The following AFAP1 variants were observed in gnomAD, a reference collection of about 807,000 sequenced individuals.
AFAP1 encodes actin filament associated protein 1, also known as actin filament-associated protein 1.
A neutral mutation model predicts 93.9 loss-of-function variants in AFAP1; 75 were observed. That is an observed-to-expected ratio of 0.80 (90% CI 0.66 to 0.97). The LOEUF (loss-of-function observed/expected upper bound fraction) is 0.97, where lower values mean the gene tolerates loss of function less well. Ranked by LOEUF, AFAP1 falls within the 50% of genes least tolerant of loss-of-function variation. AFAP1 has a pLI of 0.00. For synonymous variants in AFAP1, 517 were observed against 430.7 expected (o/e 1.20, Z -2.48); for missense variants, 1,201 against 1,050.8 (o/e 1.14, Z -1.98).
At chr4:7,818,009 G>A (rs1401069565) in intron 7 of AFAP1, among the ~76,000 whole-genome samples, 2 of 152,162 alleles carry the variant, frequency 1.3e-5, no homozygotes, top group African/African-American at 4.8e-5. Flanking sequence ...GTTCCATTAC[G>A]GTATGAGGAT....
intron 8 of AFAP1, among the ~76,000 whole-genome samples, chr4:7,814,049 C>T (rs955859902): frequency 5.9e-5 from 9 of 152,204 alleles, no homozygotes; most frequent in Admixed American, 5.2e-4. Context: ...TCCTGCCCTT[C>T]ACCTCCGTCC....
intron 6 of AFAP1, among the ~76,000 whole-genome samples, chr4:7,835,456 G>A (rs576327854): frequency 1.5e-4 from 14 of 91,174 alleles, no homozygotes; most frequent in African/African-American, 4.7e-4. Flanking sequence ...AATGGACTGT[G>A]GGCTGCCTTA....
At chr4:7,888,518 G>T (rs1432419858) in intron 1 of AFAP1, among the ~76,000 whole-genome samples, 1 of 152,160 alleles carries the variant, frequency 6.6e-6, no homozygotes, top group African/African-American at 2.4e-5. Flanking sequence ...GATGAAATGG[G>T]CAAATTCCTT....
At chr4:7,878,307 T>C (rs947296770) in intron 1 of AFAP1, among the ~76,000 whole-genome samples, 2 of 152,234 alleles carry the variant, frequency 1.3e-5, no homozygotes, top group African/African-American at 2.4e-5. Context: ...TCCAGAGCTA[T>C]TGCTGTTTCT....
chr4:7,938,221 A>T (rs956550904), intron 1 of AFAP1, among the ~76,000 whole-genome samples: 5 of 151,720 alleles, frequency 3.3e-5, no homozygotes, highest in Admixed American at 1.3e-4. Context: ...CCCGCATGAC[A>T]CGCTAGAGGG....
chr4:7,899,885 A>T (rs370792480), intron 1 of AFAP1, among the ~76,000 whole-genome samples: 10 of 103,510 alleles, frequency 9.7e-5, no homozygotes, highest in South Asian at 3.1e-4. Flanking sequence ...AATAAATAAA[A>T]AAGGAAGGGG....
At chr4:7,908,655 T>C (rs1164747717) in intron 1 of AFAP1, among the ~76,000 whole-genome samples, 1 of 152,188 alleles carries the variant, frequency 6.6e-6, no homozygotes, top group Non-Finnish European at 1.5e-5. Context: ...GACCTAGCAG[T>C]GGCAAAACAA....
chr4:7,866,810 G>A (rs1047387741), intron 3 of AFAP1, among the ~76,000 whole-genome samples: 1 of 151,700 alleles, frequency 6.6e-6, no homozygotes, highest in Non-Finnish European at 1.5e-5. Flanking sequence ...ACCAAGGCAG[G>A]AGGATCACTG....
rs1053977124 is a variant in AFAP1 at position 7,802,901 on chromosome 4, G to A, written c.1055-2248C>T. The stretch of plus-strand genomic sequence containing the variant: ...CCTGACCTTGTGATCCACCCGCCTC[G>A]GCCTCCCAAAGTGCTGGAATTATAG... On this transcript the variant is annotated intron_variant, in intron 9 of 17. Transcript: ENST00000420658. Among the ~76,000 whole-genome samples, 9 of 152,080 alleles carry A rather than the reference G, an allele frequency of 5.9e-5. No individual in the cohort carries two copies. The East Asian group carries it at 7.7e-4, about 13-fold the overall frequency.
intron 1 of AFAP1, among the ~76,000 whole-genome samples, chr4:7,933,711 G>C (rs1721226617): frequency 6.6e-6 from 1 of 152,208 alleles, no homozygotes; most frequent in African/African-American, 2.4e-5. Context: ...AGACCAGATA[G>C]AGGCCTCAGG....
At chr4:7,812,595 C>A (rs978238734) in intron 8 of AFAP1, among the ~76,000 whole-genome samples, 1 of 152,064 alleles carries the variant, frequency 6.6e-6, no homozygotes, top group African/African-American at 2.4e-5. Context: ...AAAAACTCAA[C>A]ACTCAGAACG....
At chr4:7,858,025 T>C (rs73795060) in intron 3 of AFAP1, among the ~76,000 whole-genome samples, 3,477 of 152,302 alleles carry the variant, frequency 0.023, 146 homozygotes, top group African/African-American at 0.079. Context: ...AAAGTTTGTT[T>C]AGTAAAATCT....
At chr4:7,811,752 A>T (rs1720066436) in intron 8 of AFAP1, among the ~76,000 whole-genome samples, 1 of 152,068 alleles carries the variant, frequency 6.6e-6, no homozygotes, top group Non-Finnish European at 1.5e-5. Context: ...CCCTGGCGGC[A>T]CCCGGGTCTT....
intron 1 of AFAP1, among the ~76,000 whole-genome samples, chr4:7,878,055 T>C (rs1040187508): frequency 2.6e-5 from 4 of 152,168 alleles, no homozygotes; most frequent in Non-Finnish European, 5.9e-5. Context: ...CGTACCAAAA[T>C]CTCACTACGG....
intron 1 of AFAP1, among the ~76,000 whole-genome samples, chr4:7,891,139 G>A (rs36013696): frequency 0.11 from 17,453 of 151,976 alleles, 1,169 homozygotes; most frequent in Non-Finnish European, 0.16. Flanking sequence ...TTAATCTCAA[G>A]AAAAGCCATG....
intron 1 of AFAP1, among the ~76,000 whole-genome samples, chr4:7,887,807 T>C (rs961062537): frequency 3.3e-5 from 5 of 150,338 alleles, no homozygotes; most frequent in Non-Finnish European, 7.4e-5. Flanking sequence ...TGTCATACTA[T>C]TTGTTTTTAT....
Position 7,809,610 on chromosome 4 carries a change from T to A in AFAP1, c.1054+4A>T. Reference sequence around the variant, plus strand: ...CTGCTCGTCTCCGGGAAGCGCAGTCTTACCGCAGGTGGGAACATCTTCCTC... The same window carrying A: ...CTGCTCGTCTCCGGGAAGCGCAGTCATACCGCAGGTGGGAACATCTTCCTC... On this transcript the variant is annotated splice_donor_region_variant and intron_variant, in intron 9 of 17. Coordinates refer to ENST00000420658, the MANE Select transcript of AFAP1 (RefSeq NM_001134647.2). The A allele has an allele frequency of 6.2e-7, 1 of 1,611,742 alleles. No individual in the cohort carries two copies. Among genetic ancestry groups the A allele is most frequent in the Non-Finnish European group, 8.5e-7 (1 of 1,179,276 alleles).
intron 6 of AFAP1, 65 bp from the exon 7 acceptor site, chr4:7,819,236 T>G: frequency 7.0e-7 from 1 of 1,431,958 alleles, no homozygotes; most frequent in Non-Finnish European, 9.5e-7. Flanking sequence ...GCTTGAACTG[T>G]GAGTTGTACA....
chr4:7,825,039 A>C (rs1721300394), intron 6 of AFAP1, among the ~76,000 whole-genome samples: 2 of 152,242 alleles, frequency 1.3e-5, no homozygotes, highest in Admixed American at 1.3e-4. Context: ...AAAACAATTC[A>C]TGTTAGAGAC....
Sources: allele counts gnomAD v4.1 joint callset (sites outside exome capture counted in the v4.1 genomes callset), GRCh38; gene constraint gnomAD v4.1.1; transcripts MANE v1.5; gene names NCBI Gene and HGNC (gene_info 2026-07-23, HGNC 2026-07-21).